AGBL1: variants seen among roughly 807,000 people sequenced by gnomAD.
AGBL1 encodes the protein AGBL carboxypeptidase 1.
A neutral mutation model predicts 118.9 loss-of-function variants in AGBL1; 130 were observed. The ratio of observed to expected loss-of-function variants is 1.09; its 90% CI spans 0.95 to 1.26. AGBL1 has a LOEUF of 1.26. Ranked by LOEUF, AGBL1 falls within the 50% of genes most tolerant of loss-of-function variation. The probability of loss-of-function intolerance (pLI) is 0.00; values close to 1 mark genes in which losing one functional copy is unlikely to be tolerated. For missense variants in AGBL1, 1,584 were observed against 1,298.1 expected, an observed-to-expected ratio of 1.22 and a Z score of -3.38; for synonymous variants, 555 against 478.9, an observed-to-expected ratio of 1.16 and a Z score of -2.08.
intron 21 of AGBL1, among the ~76,000 whole-genome samples, chr15:86,584,298 T>C (rs2084214908): frequency 6.6e-6 from 1 of 152,200 alleles, no homozygotes; most frequent in Non-Finnish European, 1.5e-5. Flanking sequence ...GATTATATTC[T>C]AGTATTCTTT....
intron 3 of AGBL1, among the ~76,000 whole-genome samples, chr15:86,151,347 A>G (rs186318614): frequency 1.7e-4 from 26 of 152,068 alleles, no homozygotes; most frequent in Admixed American, 7.9e-4. Context: ...AGTCAGCTTC[A>G]TCCCTGGGAT....
At chr15:86,444,292 CT>C (rs1418166746) in intron 18 of AGBL1, among the ~76,000 whole-genome samples, 1 of 152,166 alleles carries the variant, frequency 6.6e-6, no homozygotes, top group Non-Finnish European at 1.5e-5. Context: ...CCTCATTCCG[CT>C]TTTCTTCAAA....
downstream of AGBL1, among the ~76,000 whole-genome samples, chr15:86,917,305 C>G (rs1216029483): frequency 2.6e-5 from 4 of 152,324 alleles, no homozygotes; most frequent in African/African-American, 9.6e-5. The surrounding 1 kb of genome is among the most constrained non-coding windows in gnomAD (Gnocchi z 4.8). Context: ...CTGGCCTCTG[C>G]CTGGGCCTGG....
At chr15:86,091,994 T>C (rs1218635499) in intron 1 of AGBL1, among the ~76,000 whole-genome samples, 2 of 152,178 alleles carry the variant, frequency 1.3e-5, no homozygotes, top group Non-Finnish European at 2.9e-5. Context: ...TCTCCAAAGT[T>C]GCACCCAAGC....
At chr15:87,010,375 A>G (rs993265619) in intron 24 of AGBL1, among the ~76,000 whole-genome samples, 4 of 152,176 alleles carry the variant, frequency 2.6e-5, no homozygotes, top group African/African-American at 9.7e-5. Context: ...TAAATCCGTT[A>G]AACCTCTCTC....
intron 22 of AGBL1, among the ~76,000 whole-genome samples, chr15:86,796,162 T>C (rs991558784): frequency 6.6e-6 from 1 of 152,158 alleles, no homozygotes; most frequent in Admixed American, 6.5e-5. Flanking sequence ...AAAAATTAAC[T>C]GTTGGTGTCA....
chr15:86,188,957 C>A (rs2077674119), intron 5 of AGBL1, among the ~76,000 whole-genome samples: 1 of 152,016 alleles, frequency 6.6e-6, no homozygotes. Context: ...CATTAAGTAT[C>A]CTAGAAAAGG....
intron 18 of AGBL1, among the ~76,000 whole-genome samples, chr15:86,437,075 C>T (rs1296009496): frequency 6.6e-6 from 1 of 151,744 alleles, no homozygotes; most frequent in African/African-American, 2.4e-5. Context: ...AAAGCAGCTT[C>T]TCCCCTAGTT....
intron 18 of AGBL1, among the ~76,000 whole-genome samples, chr15:86,421,427 C>G (rs1438233497): frequency 6.6e-6 from 1 of 152,098 alleles, no homozygotes; most frequent in Non-Finnish European, 1.5e-5. Flanking sequence ...CATCACCAGG[C>G]CTACCATGCA....
chr15:86,373,987 A>G (rs1173653371), intron 17 of AGBL1, among the ~76,000 whole-genome samples: 1 of 152,226 alleles, frequency 6.6e-6, no homozygotes, highest in South Asian at 2.1e-4. Context: ...GTCCTGTGGC[A>G]TAGCTGTATG....
rs754954593 is a variant in AGBL1, at chr15:86,350,540, T to C, written c.2375-46826T>C. 5.3e-5 allele frequency among the ~76,000 whole-genome samples: 8 copies of C among 152,338 alleles called. No individual in the cohort carries two copies. The East Asian group carries it at 1.4e-3, about 26-fold the overall frequency. ...CCTTTGCTGTTCCGTATACATAGGC[T>C]GTTTTTCTCTAGTAGCAGTAGTAAG... On this transcript the variant is annotated intron_variant, in intron 17 of 22. Transcript: ENST00000614907.
rs930441317 is a variant in AGBL1 at position 86,479,846 on chromosome 15, A to C, written c.2556-42964A>C. 2.5e-4 allele frequency among the ~76,000 whole-genome samples: 38 copies of C among 152,116 alleles called. 1 individual carries two copies. The highest frequency in any genetic ancestry group is 7.7e-4 in the African/African-American group (32 of 41,430). On this transcript the variant is annotated intron_variant, in intron 18 of 22. Transcript: ENST00000614907. ...ACTTGGAACCAACCCAAATGTCCAA[A>C]AATGATAGACTGGATTAAGAAAATG...
At chr15:86,749,121 A>T (rs2077806192) in intron 22 of AGBL1, among the ~76,000 whole-genome samples, 1 of 152,110 alleles carries the variant, frequency 6.6e-6, no homozygotes, top group Non-Finnish European at 1.5e-5. Context: ...TTTTCACGAT[A>T]TTGATTCTTC....
At chr15:86,305,515 ATAT>A (rs1044130098) in intron 17 of AGBL1, among the ~76,000 whole-genome samples, 1 of 152,184 alleles carries the variant, frequency 6.6e-6, no homozygotes, top group African/African-American at 2.4e-5. Context: ...TGGGTGTCTC[ATAT>A]TATTTTCTGC....
chr15:86,280,658 C>T (rs1347504375), intron 16 of AGBL1, among the ~76,000 whole-genome samples: 1 of 152,178 alleles, frequency 6.6e-6, no homozygotes, highest in Admixed American at 6.5e-5. Context: ...ATCACTTAGC[C>T]TGAAGGATGA....
intron 21 of AGBL1, among the ~76,000 whole-genome samples, chr15:86,580,375 A>T (rs544499097): frequency 1.3e-5 from 2 of 151,996 alleles, no homozygotes; most frequent in South Asian, 4.2e-4. Context: ...CTATGTATAC[A>T]TATATATATA....
intron 21 of AGBL1, among the ~76,000 whole-genome samples, chr15:86,591,797 A>G (rs1169820728): frequency 6.6e-6 from 1 of 152,094 alleles, no homozygotes; most frequent in Admixed American, 6.6e-5. Flanking sequence ...TTTAACCTTT[A>G]GCCCCTCTCC....
intron 5 of AGBL1, among the ~76,000 whole-genome samples, chr15:86,175,867 G>C (rs1467008787): frequency 1.3e-5 from 2 of 152,126 alleles, no homozygotes; most frequent in Non-Finnish European, 2.9e-5. Flanking sequence ...ATAGGATTTT[G>C]ATGCTTAAAA....
chr15:86,141,185 G>T (rs537757751), intron 1 of AGBL1, among the ~76,000 whole-genome samples: 1 of 152,306 alleles, frequency 6.6e-6, no homozygotes, highest in South Asian at 2.1e-4. Context: ...GTTCTCTTCT[G>T]TATAACAGAG....
Sources: allele counts gnomAD v4.1 joint callset (sites outside exome capture counted in the v4.1 genomes callset), GRCh38; gene constraint gnomAD v4.1.1; non-coding constraint Gnocchi (gnomAD v3.1); transcripts MANE v1.5; gene names NCBI Gene and HGNC (gene_info 2026-07-23, HGNC 2026-07-21).